SHROOM4: variants seen among roughly 807,000 people sequenced by gnomAD.
SHROOM4 encodes the protein shroom family member 4.
SHROOM4 carries 17 observed loss-of-function variants against 80.3 expected under a neutral mutation model. The ratio of observed to expected loss-of-function variants is 0.21; its 90% CI spans 0.14 to 0.32. The LOEUF is 0.32. SHROOM4 is among the 10% of genes least tolerant of loss of function. The probability of loss-of-function intolerance (pLI) is 1.00; values close to 1 mark genes in which losing one functional copy is unlikely to be tolerated. For synonymous variants in SHROOM4, 400 were observed against 437.5 expected (o/e 0.91, Z 1.07); for missense variants, 993 against 1,140.3 (o/e 0.87, Z 1.86).
chrX:50,673,879 C>G (rs1932824676), intron 2 of SHROOM4, among the ~76,000 whole-genome samples: 1 of 107,880 alleles, frequency 9.3e-6, no homozygotes, highest in Admixed American at 1.0e-4. Flanking sequence ...ATCAATCAGT[C>G]AAACAAACAA....
intron 1 of SHROOM4, among the ~76,000 whole-genome samples, chrX:50,810,729 T>C (rs1936311917): frequency 8.9e-6 from 1 of 112,058 alleles, no homozygotes; most frequent in African/African-American, 3.2e-5. Flanking sequence ...CCTGTGCTCC[T>C]TCACAAACCA....
At position 50,595,275 on chromosome X, in the gene SHROOM4, C is replaced by T. The variant is rs1557246255; in HGVS notation, c.*1420G>A. 1.8e-5 allele frequency: 2 copies of T among 113,330 alleles called. No homozygotes were observed. The highest frequency in any genetic ancestry group is 3.7e-5 in the Non-Finnish European group (2 of 54,053). 9.3% of individuals were successfully genotyped at this position (113,330 alleles called of 1,213,427 possible). On this transcript the variant is annotated 3_prime_UTR_variant, in exon 9 of 9. Coordinates refer to ENST00000376020, the MANE Select transcript of SHROOM4 (RefSeq NM_020717.5). ...GCTACTGGTGTCAGGGCCTTGGCAA[C>T]AGCAGCAGTTTTAGTTGTTTGTATG...
chrX:50,718,371 AG>A (rs781827063), intron 1 of SHROOM4, among the ~76,000 whole-genome samples: 103 of 111,789 alleles, frequency 9.2e-4, no homozygotes, highest in Admixed American at 2.0e-3. Context: ...AAAGCAGAAT[AG>A]ATGCAGGTCA....
At chrX:50,707,936 G>A (rs1557264101) in intron 1 of SHROOM4, among the ~76,000 whole-genome samples, 1 of 111,425 alleles carries the variant, frequency 9.0e-6, no homozygotes. Flanking sequence ...CATGGGCCCT[G>A]GACCCACCCT....
intron 7 of SHROOM4, among the ~76,000 whole-genome samples, chrX:50,600,450 G>A (rs1341257614): frequency 9.0e-6 from 1 of 111,662 alleles, no homozygotes; most frequent in Admixed American, 9.5e-5. Flanking sequence ...CTCTCTGCAC[G>A]TCAATTTCCA....
chrX:50,634,426 GCCA>G lies in SHROOM4; in HGVS notation c.1644_1646del (p.Gly549del). 8.3e-7 allele frequency: 1 copy of G among 1,211,368 alleles called. No individual in the cohort carries two copies. Among genetic ancestry groups the G allele is most frequent in the Non-Finnish European group, 1.1e-6 (1 of 895,389 alleles). The stretch of plus-strand genomic sequence containing the variant: ...TGTCCCCTTCTTCACCTGCCTCTGT[GCCA>G]CTAGCTGCTTTAGTGGTTGAAGAAC... On this transcript the variant is annotated inframe_deletion, in exon 4 of 9. Transcript: ENST00000376020.
chrX:50,618,276 TC>T (rs782649104), intron 5 of SHROOM4, among the ~76,000 whole-genome samples: 10 of 87,040 alleles, frequency 1.1e-4, no homozygotes, highest in Non-Finnish European at 1.6e-4. Context: ...TCTCTTCTCT[TC>T]CCCTTCCTTC....
intron 2 of SHROOM4, among the ~76,000 whole-genome samples, chrX:50,689,263 G>A (rs1431247849): frequency 2.7e-5 from 3 of 111,433 alleles, no homozygotes; most frequent in African/African-American, 9.8e-5. Context: ...GCTGATAAAT[G>A]ACATTGGTAA....
At chrX:50,585,250 G>T (rs1557244675), downstream of SHROOM4, among the ~76,000 whole-genome samples, 1 of 111,681 alleles carries the variant, frequency 9.0e-6, no homozygotes, top group African/African-American at 3.3e-5. Flanking sequence ...TGTAAACAAT[G>T]ATCATATCCG....
At chrX:50,747,156 T>G (rs970615152) in intron 1 of SHROOM4, among the ~76,000 whole-genome samples, 2 of 111,947 alleles carry the variant, frequency 1.8e-5, no homozygotes, top group Middle Eastern at 4.6e-3. Context: ...TTACCCTCTA[T>G]CCACTGTACT....
chrX:50,768,476 C>G (rs1469074886), intron 1 of SHROOM4, among the ~76,000 whole-genome samples: 2 of 111,843 alleles, frequency 1.8e-5, no homozygotes, highest in East Asian at 5.7e-4. Flanking sequence ...TAGGTCTATT[C>G]CCTGGATGGG....
chrX:50,687,969 G>T (rs993313865), intron 2 of SHROOM4, among the ~76,000 whole-genome samples: 2 of 109,243 alleles, frequency 1.8e-5, no homozygotes, highest in Admixed American at 2.0e-4. Flanking sequence ...TGCTGAGAAC[G>T]CAACAATGAA....
In SHROOM4 at chrX:50,587,089, C is replaced by T. The variant is rs1457724906; in HGVS notation, c.*9606G>A. Reference sequence around the variant, plus strand: ...ATCCTCATTTCTTCCACCTCCATCCCCCTGTGTGTTTGACTTTTTTAGCTT... The same window carrying T: ...ATCCTCATTTCTTCCACCTCCATCCTCCTGTGTGTTTGACTTTTTTAGCTT... On this transcript the variant is annotated 3_prime_UTR_variant, in exon 9 of 9. Coordinates refer to ENST00000376020, the MANE Select transcript of SHROOM4 (RefSeq NM_020717.5). Among the ~76,000 whole-genome samples, 2 of 111,770 alleles carry T rather than the reference C, an allele frequency of 1.8e-5. No homozygotes were observed. The highest frequency in any genetic ancestry group is 3.8e-5 in the Non-Finnish European group (2 of 53,110).
Position 50,589,383 on chromosome X carries a change from T to C in SHROOM4, c.*7312A>G, listed in dbSNP as rs141196095. ...TACATTCAGAGTTGGACAACCAGGA[T>C]GACAATCTAATTTTATAATATTTTC... On this transcript the variant is annotated 3_prime_UTR_variant, in exon 9 of 9. Coordinates refer to ENST00000376020, the MANE Select transcript of SHROOM4 (RefSeq NM_020717.5). Among the ~76,000 whole-genome samples the C allele has an allele frequency of 2.1e-4, 23 of 111,863 alleles. No individual in the cohort carries two copies. Among genetic ancestry groups the C allele is most frequent in the Middle Eastern group, 4.7e-3 (1 of 214 alleles).
chrX:50,750,216 C>T (rs986701563), intron 1 of SHROOM4, among the ~76,000 whole-genome samples: 2 of 112,103 alleles, frequency 1.8e-5, no homozygotes, highest in African/African-American at 3.2e-5. Flanking sequence ...AAGGCCCATG[C>T]GTTTCCAGCA....
intron 2 of SHROOM4, among the ~76,000 whole-genome samples, chrX:50,674,778 A>G (rs1932834807): frequency 8.9e-6 from 1 of 112,093 alleles, no homozygotes; most frequent in African/African-American, 3.2e-5. Context: ...ATTAATTGTT[A>G]ACATAGACTA....
intron 2 of SHROOM4, among the ~76,000 whole-genome samples, chrX:50,642,606 G>A (rs1193711020): frequency 2.7e-5 from 3 of 111,149 alleles, no homozygotes; most frequent in Non-Finnish European, 5.7e-5. Context: ...CAGGCTACAG[G>A]TGCATGCTAC....
chrX:50,795,031 TATATATCTCATATATATATG>T (rs1935935389), intron 1 of SHROOM4, among the ~76,000 whole-genome samples: 4 of 11,842 alleles, frequency 3.4e-4, no homozygotes, highest in Non-Finnish European at 2.2e-3. Context: ...ATATATATCA[TATATATCTCATATATATATG>T]ATATATATAT....
intron 1 of SHROOM4, among the ~76,000 whole-genome samples, chrX:50,763,953 T>G (rs1191029356): frequency 1.8e-5 from 2 of 111,956 alleles, no homozygotes; most frequent in East Asian, 5.6e-4. Context: ...CTGGCTGGTC[T>G]GCCATTTAAT....
Sources: allele counts gnomAD v4.1 joint callset (sites outside exome capture counted in the v4.1 genomes callset), GRCh38; gene constraint gnomAD v4.1.1; transcripts MANE v1.5; gene names NCBI Gene and HGNC (gene_info 2026-07-23, HGNC 2026-07-21).